The following SERINC5 variants were observed in gnomAD, a reference collection of about 807,000 sequenced individuals.
The protein encoded by SERINC5 is serine incorporator 5.
In SERINC5, 41 loss-of-function variants were observed where a neutral mutation model predicts 63.1. That is an observed-to-expected ratio of 0.65 (90% confidence interval 0.51 to 0.84). The LOEUF (loss-of-function observed/expected upper bound fraction) is 0.84. Among genes scored for constraint, SERINC5 ranks in the 40% least tolerant of loss-of-function variants. The pLI, the probability that SERINC5 is intolerant of heterozygous loss-of-function variation, is 0.00. For missense variants in SERINC5, 523 were observed against 573.0 expected (o/e 0.91, Z 0.89); for synonymous variants, 222 against 215.2 (o/e 1.03, Z -0.28).
intron 2 of SERINC5, chr5:80,198,618 G>C: frequency 2.0e-6 from 2 of 985,326 alleles, no homozygotes; most frequent in Non-Finnish European, 2.4e-6. Flanking sequence ...GCACTTCCAC[G>C]GCCAACAAAG....
intron 9 of SERINC5, among the ~76,000 whole-genome samples, chr5:80,149,647 T>C (rs893852647): frequency 6.6e-6 from 1 of 152,210 alleles, no homozygotes; most frequent in African/African-American, 2.4e-5. Context: ...ACGGTTTATA[T>C]TCTGGCAAAT....
intron 2 of SERINC5, among the ~76,000 whole-genome samples, chr5:80,182,551 C>A (rs987601225): frequency 3.6e-4 from 18 of 49,628 alleles, no homozygotes; most frequent in Non-Finnish European, 5.0e-4. Context: ...ACCGCCCCCC[C>A]CCCCTCCGCT....
Position 80,112,031 on chromosome 5 carries a change from C to T in SERINC5, c.*30-329G>A, listed in dbSNP as rs112375817. ...GCGGAAAGCCGCAGGGACCTCTGCC[C>T]AGGAAAACCGGGTATTGTCCAAAGT... is the stretch of plus-strand genomic sequence containing the variant. On this transcript the variant is annotated intron_variant, in intron 12 of 12. Coordinates refer to the SERINC5 transcript ENST00000509193. 7.4e-4 allele frequency among the ~76,000 whole-genome samples: 113 copies of T among 152,332 alleles called. 1 individual carries two copies. The highest frequency in any genetic ancestry group is 2.4e-4 in the Non-Finnish European group (16 of 68,036).
intron 11 of SERINC5, among the ~76,000 whole-genome samples, chr5:80,119,666 A>G (rs1205643823): frequency 2.0e-5 from 3 of 152,254 alleles, no homozygotes; most frequent in Non-Finnish European, 4.4e-5. Context: ...ACTTTTCCAG[A>G]TGGCAACTGG....
At chr5:80,181,147 G>GT (rs1162574031) in intron 2 of SERINC5, among the ~76,000 whole-genome samples, 1 of 152,174 alleles carries the variant, frequency 6.6e-6, no homozygotes, top group Non-Finnish European at 1.5e-5. Context: ...GCAGTGTCAC[G>GT]TGACTGTCTC....
intron 2 of SERINC5, among the ~76,000 whole-genome samples, chr5:80,193,255 CTGTT>C (rs1258289024): frequency 1.3e-5 from 2 of 152,180 alleles, no homozygotes; most frequent in Non-Finnish European, 2.9e-5. Flanking sequence ...GCATTGTTTC[CTGTT>C]CCCATCGCTC....
chr5:80,140,704 A>T lies in SERINC5; in HGVS notation c.*2959T>A. Reference sequence around the variant, plus strand: ...CTCCAGTCAGGTAACATGCCGCGGTATGACACTCCCATAAGAACCCCCACC... The same window carrying T: ...CTCCAGTCAGGTAACATGCCGCGGTTTGACACTCCCATAAGAACCCCCACC... On this transcript the variant is annotated 3_prime_UTR_variant, in exon 12 of 12. Coordinates refer to ENST00000507668, the MANE Select transcript of SERINC5 (RefSeq NM_001174072.3). 1 of 985,312 alleles carries T rather than the reference A, an allele frequency of 1.0e-6. No individual in the cohort carries two copies. The highest frequency in any genetic ancestry group is 1.2e-6 in the Non-Finnish European group (1 of 829,892). 61.0% of individuals were successfully genotyped at this position (985,312 alleles called of 1,614,324 possible).
intron 2 of SERINC5, among the ~76,000 whole-genome samples, chr5:80,199,388 A>G (rs1182480145): frequency 6.6e-6 from 1 of 152,240 alleles, no homozygotes; most frequent in Non-Finnish European, 1.5e-5. Flanking sequence ...AATACAGGGA[A>G]AGTGCTCAGA....
At chr5:80,185,668 C>A (rs1748749738) in intron 2 of SERINC5, among the ~76,000 whole-genome samples, 1 of 151,884 alleles carries the variant, frequency 6.6e-6, no homozygotes, top group Non-Finnish European at 1.5e-5. Context: ...AAATTACAGT[C>A]AAAGGGGGTT....
chr5:80,188,197 C>T (rs756288860), intron 2 of SERINC5, among the ~76,000 whole-genome samples: 2 of 149,392 alleles, frequency 1.3e-5, no homozygotes, highest in South Asian at 2.1e-4. Context: ...ACAGGAGAAT[C>T]GCTTGAACCC....
chr5:80,244,927 G>A (rs1223428764), intron 1 of SERINC5, among the ~76,000 whole-genome samples: 1 of 152,214 alleles, frequency 6.6e-6, no homozygotes, highest in East Asian at 1.9e-4. Flanking sequence ...GGGCTCAAGC[G>A]ATCCTCCCAC....
At chr5:80,148,331 C>T (rs1242957249) in intron 9 of SERINC5, among the ~76,000 whole-genome samples, 1 of 151,468 alleles carries the variant, frequency 6.6e-6, no homozygotes, top group Non-Finnish European at 1.5e-5. Flanking sequence ...GCTGGGATTA[C>T]AGGCATGTGC....
At chr5:80,167,713 A>G (rs567849080) in intron 6 of SERINC5, among the ~76,000 whole-genome samples, 7 of 152,300 alleles carry the variant, frequency 4.6e-5, no homozygotes, top group African/African-American at 1.7e-4. Context: ...TTTTTCTCTG[A>G]AACTTCACAA....
chr5:80,137,433 G>A (rs1745252172), downstream of SERINC5, among the ~76,000 whole-genome samples: 2 of 151,400 alleles, frequency 1.3e-5, no homozygotes, highest in African/African-American at 4.9e-5. Flanking sequence ...GAGGTCAGGA[G>A]TTCGAGACCA....
rs756648485 is a variant in SERINC5 at position 80,150,863 on chromosome 5, G to A, written c.1053+19C>T. 2 of 1,579,964 alleles carry A rather than the reference G, an allele frequency of 1.3e-6. No individual in the cohort carries two copies. The highest frequency in any genetic ancestry group is 1.1e-5 in the South Asian group (1 of 90,386). On this transcript the variant is annotated intron_variant, in intron 9 of 11. Coordinates refer to ENST00000507668, the MANE Select transcript of SERINC5 (RefSeq NM_001174072.3). ...GATCTTCTGAGATGAAGCAGGACAG[G>A]AAAAGGAAATGAACTTACCTCCAAT...
chr5:80,129,110 G>GA (rs779103978), intron 11 of SERINC5: 1 of 152,188 alleles, frequency 6.6e-6, no homozygotes, highest in Non-Finnish European at 1.5e-5. Context: ...GAGTTGTATG[G>GA]AAAACACATG....
intron 1 of SERINC5, among the ~76,000 whole-genome samples, chr5:80,242,881 C>A (rs531612160): frequency 6.6e-6 from 1 of 152,312 alleles, no homozygotes; most frequent in Admixed American, 6.5e-5. Context: ...CAAGATCAGG[C>A]CTCTGCATTC....
At chr5:80,189,049 G>A in intron 2 of SERINC5, among the ~76,000 whole-genome samples, 1 of 152,002 alleles carries the variant, frequency 6.6e-6, no homozygotes, top group South Asian at 2.1e-4. Context: ...AATGTACAAT[G>A]GATATCATCC....
At chr5:80,137,525 G>A (rs919074193), downstream of SERINC5, among the ~76,000 whole-genome samples, 2 of 151,714 alleles carry the variant, frequency 1.3e-5, no homozygotes, top group Non-Finnish European at 2.9e-5. Context: ...TGTAGTCCCA[G>A]CTGCTACTCG....
Sources: gnomAD v4.1 joint callset for allele counts (sites outside exome capture counted in the v4.1 genomes callset) on GRCh38, gnomAD v4.1.1 for gene constraint, MANE v1.5 for transcripts, NCBI Gene and HGNC (gene_info 2026-07-23, HGNC 2026-07-21) for gene names.